CNTN5: variants seen among roughly 807,000 people sequenced by gnomAD.
CNTN5 encodes the protein contactin 5.
CNTN5 carries 77 observed loss-of-function variants against 129.1 expected under a neutral mutation model. The ratio of observed to expected loss-of-function variants is 0.60; its 90% CI spans 0.50 to 0.72. The LOEUF is 0.72. Ranked by LOEUF, CNTN5 falls within the 30% of genes least tolerant of loss-of-function variation. The probability of loss-of-function intolerance (pLI) is 0.00; values close to 1 mark genes in which losing one functional copy is unlikely to be tolerated. For missense variants in CNTN5, 1,478 were observed against 1,328.8 expected (o/e 1.11, Z -1.75); for synonymous variants, 509 against 465.6 (o/e 1.09, Z -1.20).
At chr11:99,682,641 C>G (rs545713583) in intron 3 of CNTN5, among the ~76,000 whole-genome samples, 4 of 151,952 alleles carry the variant, frequency 2.6e-5, no homozygotes, top group African/African-American at 4.8e-5. Flanking sequence ...ATAGGTTGAA[C>G]TCACCTATTA....
chr11:99,213,400 A>C (rs1859933836), intron 1 of CNTN5, among the ~76,000 whole-genome samples: 1 of 135,980 alleles, frequency 7.4e-6, no homozygotes, highest in African/African-American at 2.9e-5. Context: ...ACGTGTATAT[A>C]TACACATATA....
chr11:100,193,900 G>A (rs907385304), intron 15 of CNTN5, among the ~76,000 whole-genome samples: 7 of 151,656 alleles, frequency 4.6e-5, no homozygotes, highest in Non-Finnish European at 1.0e-4. Context: ...TGGTTTCTTT[G>A]CCACCTTTGT....
At chr11:99,625,927 C>T (rs75948742) in intron 3 of CNTN5, among the ~76,000 whole-genome samples, 30 of 25,246 alleles carry the variant, frequency 1.2e-3, no homozygotes, top group Middle Eastern at 0.024. Context: ...TATATATACA[C>T]ACACACACAC....
chr11:100,214,510 A>C (rs748320197), intron 15 of CNTN5, among the ~76,000 whole-genome samples: 4 of 152,224 alleles, frequency 2.6e-5, no homozygotes, highest in Non-Finnish European at 5.9e-5. Context: ...ATCCATGATG[A>C]ATAATGTGTT....
chr11:100,211,128 G>A (rs764532888), intron 15 of CNTN5, among the ~76,000 whole-genome samples: 1 of 152,088 alleles, frequency 6.6e-6, no homozygotes, highest in Non-Finnish European at 1.5e-5. Context: ...AGCCACTGAG[G>A]TTTCATCTAT....
In CNTN5 at chr11:100,341,024, C is replaced by T; in HGVS notation, c.2918-69C>T. On this transcript the variant is annotated intron_variant, in intron 22 of 24. Coordinates refer to ENST00000524871, the MANE Select transcript of CNTN5 (RefSeq NM_014361.4). ...AAGCAGGAGAAAAGATTGAGATACT[C>T]ACAAAGAATTAAATGAAGAAATGTA... 3 of 1,156,558 alleles carry T rather than the reference C, an allele frequency of 2.6e-6. No individual in the cohort carries two copies. The South Asian group carries it at 3.8e-5, about 15-fold the overall frequency. 71.6% of individuals were successfully genotyped at this position (1,156,558 alleles called of 1,614,324 possible). A position where few individuals can be genotyped will look rare whatever the true frequency, so the allele number is the denominator to read the frequency against.
chr11:99,593,088 C>G (rs1363559354), intron 3 of CNTN5, among the ~76,000 whole-genome samples: 1 of 152,158 alleles, frequency 6.6e-6, no homozygotes, highest in Admixed American at 6.5e-5. Flanking sequence ...CCTACCAAGA[C>G]TGGCTTTTAT....
At chr11:99,619,578 T>C (rs1156373943) in intron 3 of CNTN5, among the ~76,000 whole-genome samples, 2 of 152,130 alleles carry the variant, frequency 1.3e-5, no homozygotes, top group Non-Finnish European at 1.5e-5. Context: ...TTTATACTTT[T>C]TTGCATCAAA....
chr11:99,693,519 A>C (rs1954129011), intron 3 of CNTN5, among the ~76,000 whole-genome samples: 1 of 151,852 alleles, frequency 6.6e-6, no homozygotes, highest in Admixed American at 6.6e-5. Flanking sequence ...ATGAGGCATG[A>C]CAAGCAGAGG....
intron 3 of CNTN5, among the ~76,000 whole-genome samples, chr11:99,799,833 C>CT (rs1946059945): frequency 6.6e-6 from 1 of 151,998 alleles, no homozygotes; most frequent in South Asian, 2.1e-4. Context: ...ACCAGCTCTT[C>CT]TTTGTATATC....
intron 2 of CNTN5, among the ~76,000 whole-genome samples, chr11:99,330,547 C>T (rs900303703): frequency 6.6e-6 from 1 of 152,022 alleles, no homozygotes; most frequent in Non-Finnish European, 1.5e-5. Context: ...GTTAGAAGGC[C>T]AGGGACTCTG....
At chr11:99,765,680 G>A (rs1200851753) in intron 3 of CNTN5, among the ~76,000 whole-genome samples, 2 of 150,742 alleles carry the variant, frequency 1.3e-5, no homozygotes, top group Admixed American at 1.3e-4. Flanking sequence ...AAGGAATGCT[G>A]GAATTTTTAA....
At chr11:99,577,917 T>C (rs1408271379) in intron 3 of CNTN5, among the ~76,000 whole-genome samples, 1 of 151,754 alleles carries the variant, frequency 6.6e-6, no homozygotes, top group Non-Finnish European at 1.5e-5. Context: ...CATGTTGGTG[T>C]GCTGCACCCA....
intron 2 of CNTN5, among the ~76,000 whole-genome samples, chr11:99,496,943 A>G (rs944822132): frequency 6.6e-6 from 1 of 152,230 alleles, no homozygotes; most frequent in Non-Finnish European, 1.5e-5. Context: ...TAGGCTTTTA[A>G]TATCGTCGGC....
At chr11:99,854,280 G>C (rs1947964726) in intron 6 of CNTN5, among the ~76,000 whole-genome samples, 1 of 152,088 alleles carries the variant, frequency 6.6e-6, no homozygotes, top group Middle Eastern at 3.2e-3. Context: ...ACACAATTCT[G>C]ACTAGGTTAC....
chr11:99,092,204 C>T (rs573823724), intron 1 of CNTN5, among the ~76,000 whole-genome samples: 42 of 152,074 alleles, frequency 2.8e-4, no homozygotes, highest in Non-Finnish European at 5.6e-4. Flanking sequence ...AAAGTAGTAT[C>T]AATATAACCT....
At chr11:100,054,737 A>C (rs1215721047) in intron 9 of CNTN5, among the ~76,000 whole-genome samples, 3 of 151,738 alleles carry the variant, frequency 2.0e-5, no homozygotes, top group African/African-American at 7.2e-5. Context: ...AGATAATGCT[A>C]GAAGGCATAA....
At chr11:99,292,472 G>C (rs1239964974) in intron 1 of CNTN5, among the ~76,000 whole-genome samples, 1 of 152,062 alleles carries the variant, frequency 6.6e-6, no homozygotes, top group East Asian at 1.9e-4. Flanking sequence ...TCTTTCTCTT[G>C]TCGAATTGCT....
chr11:99,124,349 G>C (rs549035515), intron 1 of CNTN5, among the ~76,000 whole-genome samples: 1 of 152,084 alleles, frequency 6.6e-6, no homozygotes, highest in Non-Finnish European at 1.5e-5. Flanking sequence ...TGGTTTATAG[G>C]AGTGGAACTG....
Sources: gnomAD v4.1 joint callset for allele counts (sites outside exome capture counted in the v4.1 genomes callset) on GRCh38, gnomAD v4.1.1 for gene constraint, MANE v1.5 for transcripts, NCBI Gene and HGNC (gene_info 2026-07-23, HGNC 2026-07-21) for gene names.